PEX5L: variants seen among roughly 807,000 people sequenced by gnomAD.
The protein encoded by PEX5L is peroxisomal biogenesis factor 5 like.
Under a neutral mutation model 84.0 loss-of-function variants are expected in PEX5L, and 30 were observed. The ratio of observed to expected loss-of-function variants is 0.36; its 90% CI spans 0.27 to 0.48. PEX5L has a LOEUF of 0.48. PEX5L is among the 20% of genes least tolerant of loss of function. The probability of loss-of-function intolerance (pLI) is 0.99; values close to 1 mark genes in which losing one functional copy is unlikely to be tolerated. For missense variants in PEX5L, 533 were observed against 754.6 expected (o/e 0.71, Z 3.44); for synonymous variants, 270 against 283.1 (o/e 0.95, Z 0.46).
intron 1 of PEX5L, among the ~76,000 whole-genome samples, chr3:180,034,396 T>G (rs1192513544): frequency 6.6e-6 from 1 of 151,326 alleles, no homozygotes; most frequent in Non-Finnish European, 1.5e-5. Flanking sequence ...TTGGAATGTG[T>G]TTCTTCTTAT....
intron 7 of PEX5L, among the ~76,000 whole-genome samples, chr3:179,873,558 A>C (rs1751097751): frequency 6.6e-6 from 1 of 152,152 alleles, no homozygotes; most frequent in Non-Finnish European, 1.5e-5. Flanking sequence ...ACCATAGGAG[A>C]TATGGTCTTA....
intron 1 of PEX5L, among the ~76,000 whole-genome samples, chr3:180,031,090 A>G (rs58330967): frequency 0.34 from 51,867 of 151,948 alleles, 11,637 homozygotes; most frequent in African/African-American, 0.65. Context: ...TATCTAATGG[A>G]TATTTATACT....
At chr3:180,017,998 C>T (rs1790084846) in intron 1 of PEX5L, among the ~76,000 whole-genome samples, 1 of 152,174 alleles carries the variant, frequency 6.6e-6, no homozygotes, top group Non-Finnish European at 1.5e-5. Context: ...TTTATTTTAG[C>T]ACCCACAGTT....
At chr3:179,920,227 C>T (rs551476843) in intron 2 of PEX5L, among the ~76,000 whole-genome samples, 1 of 152,312 alleles carries the variant, frequency 6.6e-6, no homozygotes, top group African/African-American at 2.4e-5. Flanking sequence ...TGTCATCTCT[C>T]TTCCCAATCA....
At chr3:179,890,929 G>C (rs1263392930) in intron 3 of PEX5L, among the ~76,000 whole-genome samples, 1 of 151,226 alleles carries the variant, frequency 6.6e-6, no homozygotes, top group Non-Finnish European at 1.5e-5. Flanking sequence ...TGAGAGCCCT[G>C]TCCTTTTGGG....
In PEX5L at chr3:179,942,984, C is replaced by G. The variant is rs191473753; in HGVS notation, c.93+28610G>C. On this transcript the variant is annotated intron_variant, in intron 2 of 14. Coordinates refer to ENST00000467460, the MANE Select transcript of PEX5L (RefSeq NM_016559.3). ...GCAGTAATGTCCTCTGAACCTGTTT[C>G]CTTATCTGTAAAATGGGGATAGTAA... Among the ~76,000 whole-genome samples the G allele has an allele frequency of 2.0e-5, 3 of 152,290 alleles. No individual in the cohort carries two copies. In the East Asian group the frequency reaches 5.8e-4, roughly 29 times the overall value.
intron 7 of PEX5L, among the ~76,000 whole-genome samples, chr3:179,865,500 T>C (rs1747788022): frequency 6.6e-6 from 1 of 152,040 alleles, no homozygotes; most frequent in East Asian, 1.9e-4. Flanking sequence ...CAGCCTTCCT[T>C]TCAATGCAAA....
intron 2 of PEX5L, among the ~76,000 whole-genome samples, chr3:179,963,697 C>T (rs76780721): frequency 6.6e-5 from 10 of 151,834 alleles, no homozygotes; most frequent in Admixed American, 2.0e-4. Context: ...TTGAAAAATT[C>T]CTATGTGTGG....
At position 179,825,132 on chromosome 3, in the gene PEX5L, C is replaced by T. The variant is rs1311072439; in HGVS notation, c.823-5156G>A. Reference sequence around the variant, plus strand: ...CTCTTCAGGCATGAGTGACCTTGGGCAGGAGTAACCCTGCTGATGAAGAAT... The same window carrying T: ...CTCTTCAGGCATGAGTGACCTTGGGTAGGAGTAACCCTGCTGATGAAGAAT... On this transcript the variant is annotated intron_variant, in intron 8 of 14. Coordinates refer to ENST00000467460, the MANE Select transcript of PEX5L (RefSeq NM_016559.3). 3.9e-5 allele frequency among the ~76,000 whole-genome samples: 6 copies of T among 152,286 alleles called. No individual in the cohort carries two copies. In the East Asian group the frequency reaches 1.2e-3, roughly 29 times the overall value.
At chr3:179,887,160 A>G (rs1425223244) in intron 4 of PEX5L, among the ~76,000 whole-genome samples, 1 of 152,218 alleles carries the variant, frequency 6.6e-6, no homozygotes, top group East Asian at 1.9e-4. Context: ...GAACATTCAA[A>G]TAGATTGTTG....
intron 2 of PEX5L, among the ~76,000 whole-genome samples, chr3:179,927,519 G>C (rs1463336171): frequency 6.6e-6 from 1 of 152,074 alleles, no homozygotes; most frequent in Non-Finnish European, 1.5e-5. Context: ...CTGGGGATGA[G>C]GCAAGTATAA....
intron 9 of PEX5L, among the ~76,000 whole-genome samples, chr3:179,818,624 G>T: frequency 1.4e-5 from 2 of 141,814 alleles, no homozygotes; most frequent in Non-Finnish European, 1.5e-5. Flanking sequence ...CCCAGCCTCT[G>T]GTAACCATCA....
chr3:179,912,397 AACTAC>A lies in PEX5L; in HGVS notation c.94-14156_94-14152del, dbSNP rs1765486526. On this transcript the variant is annotated intron_variant, in intron 2 of 14. Transcript: ENST00000467460. ...GCCTTTTGGGTCCAAAGATAAAAGC[AACTAC>A]ATGATACTGATGTTTTATGAGACAG... Among the ~76,000 whole-genome samples, 3 of 152,248 alleles carry A rather than the reference AACTAC, an allele frequency of 2.0e-5. No homozygotes were observed. In the East Asian group the frequency reaches 5.8e-4, roughly 29 times the overall value.
At chr3:179,843,159 C>G (rs547745914) in intron 8 of PEX5L, among the ~76,000 whole-genome samples, 14 of 152,292 alleles carry the variant, frequency 9.2e-5, no homozygotes, top group African/African-American at 2.9e-4. Context: ...ATACTCAGGG[C>G]TGGCCCTAGG....
chr3:179,990,821 T>G (rs1439139955), intron 1 of PEX5L, among the ~76,000 whole-genome samples: 1 of 152,232 alleles, frequency 6.6e-6, no homozygotes, highest in Non-Finnish European at 1.5e-5. Flanking sequence ...CACAGACTCC[T>G]GAGGTAAGTA....
intron 8 of PEX5L, among the ~76,000 whole-genome samples, chr3:179,830,292 C>A (rs903007824): frequency 6.8e-6 from 1 of 147,602 alleles, no homozygotes; most frequent in Middle Eastern, 3.5e-3. Context: ...CCCGCCCCCC[C>A]CCTTTTTTTT....
chr3:179,963,319 C>T (rs536274990), intron 2 of PEX5L, among the ~76,000 whole-genome samples: 2 of 152,314 alleles, frequency 1.3e-5, no homozygotes, highest in Admixed American at 1.3e-4. Context: ...ATGCCTCCTG[C>T]TCATAAATAA....
At chr3:180,007,778 A>C (rs1226060728) in intron 1 of PEX5L, among the ~76,000 whole-genome samples, 2 of 152,192 alleles carry the variant, frequency 1.3e-5, no homozygotes, top group African/African-American at 4.8e-5. Flanking sequence ...CTAGCTGTAC[A>C]TTGACCTCTT....
chr3:179,843,325 A>G (rs9290683), intron 8 of PEX5L, among the ~76,000 whole-genome samples: 67,483 of 151,924 alleles, frequency 0.44, 15,451 homozygotes, highest in East Asian at 0.72. Context: ...CTAAATCACA[A>G]TCTCTGGGGA....
Sources: allele counts gnomAD v4.1 joint callset (sites outside exome capture counted in the v4.1 genomes callset), GRCh38; gene constraint gnomAD v4.1.1; transcripts MANE v1.5; gene names NCBI Gene and HGNC (gene_info 2026-07-23, HGNC 2026-07-21).